Variants in CNTLN observed in about 807,000 individuals in gnomAD.
CNTLN encodes the protein centlein, also known as centlein, centrosomal protein.
A neutral mutation model predicts 180.0 loss-of-function variants in CNTLN; 212 were observed. The ratio of observed to expected loss-of-function variants is 1.18; its 90% CI spans 1.05 to 1.32. CNTLN has a LOEUF of 1.32. Ranked by LOEUF, CNTLN falls within the 40% of genes most tolerant of loss-of-function variation. The pLI, the probability that CNTLN is intolerant of heterozygous loss-of-function variation, is 0.00. For missense variants in CNTLN, 2,095 were observed against 1,610.9 expected, an observed-to-expected ratio of 1.30 and a Z score of -5.14; for synonymous variants, 722 against 563.1, an observed-to-expected ratio of 1.28 and a Z score of -3.99.
the CNTLN span, among the ~76,000 whole-genome samples, chr9:17,511,648 T>TCTCTCACA: frequency 0.27 from 39,633 of 146,416 alleles, 6,469 homozygotes; most frequent in East Asian, 0.5. Context: ...TCTCTCTCTC[T>TCTCTCACA]CACACACACA....
chr9:17,405,005 T>C (rs1332824810), intron 15 of CNTLN, among the ~76,000 whole-genome samples: 3 of 151,728 alleles, frequency 2.0e-5, no homozygotes, highest in Non-Finnish European at 4.4e-5. Context: ...CCCAAAGTGC[T>C]GGGATTACAG....
At chr9:17,368,296 G>T (rs1171118399) in intron 13 of CNTLN, among the ~76,000 whole-genome samples, 1 of 152,180 alleles carries the variant, frequency 6.6e-6, no homozygotes, top group Non-Finnish European at 1.5e-5. Context: ...GAAGGACTGT[G>T]TCTGGTGGTT....
chr9:17,458,013 A>G (rs1168352968), intron 19 of CNTLN, among the ~76,000 whole-genome samples: 1 of 151,920 alleles, frequency 6.6e-6, no homozygotes, highest in Non-Finnish European at 1.5e-5. Flanking sequence ...CCTCCAGCTG[A>G]ACAGAATCCT....
intron 25 of CNTLN, among the ~76,000 whole-genome samples, chr9:17,498,404 C>T (rs1188802866): frequency 6.6e-6 from 1 of 152,092 alleles, no homozygotes; most frequent in Non-Finnish European, 1.5e-5. Flanking sequence ...ATACCAGTTC[C>T]TAAAGGTAAA....
At chr9:17,361,330 C>T (rs900974756) in intron 12 of CNTLN, among the ~76,000 whole-genome samples, 1 of 152,064 alleles carries the variant, frequency 6.6e-6, no homozygotes, top group African/African-American at 2.4e-5. Flanking sequence ...TTACTAGAGG[C>T]TTGTTTATCT....
chr9:17,464,389 C>T (rs775153369), intron 20 of CNTLN, 108 bp from the exon 21 acceptor site: 19 of 859,568 alleles, frequency 2.2e-5, no homozygotes, highest in South Asian at 1.4e-4. Context: ...GTCAATATCA[C>T]GTAGCATTTA....
intron 12 of CNTLN, among the ~76,000 whole-genome samples, chr9:17,347,593 C>G (rs1412233272): frequency 6.7e-6 from 1 of 149,288 alleles, no homozygotes; most frequent in African/African-American, 2.5e-5. Context: ...CGCTTGAACC[C>G]AGGAGGTGGA....
intron 18 of CNTLN, among the ~76,000 whole-genome samples, chr9:17,426,520 G>T (rs1489974635): frequency 6.6e-6 from 1 of 151,550 alleles, no homozygotes; most frequent in Non-Finnish European, 1.5e-5. Flanking sequence ...TTGTCATGTT[G>T]TATTTATATC....
chr9:17,230,304 C>A (rs1179404380), intron 3 of CNTLN, among the ~76,000 whole-genome samples: 1 of 152,112 alleles, frequency 6.6e-6, no homozygotes, highest in Admixed American at 6.6e-5. Flanking sequence ...CCTACAGAGG[C>A]AATTTAATTT....
chr9:17,227,958 A>G (rs1200745643), intron 3 of CNTLN, among the ~76,000 whole-genome samples: 1 of 152,100 alleles, frequency 6.6e-6, no homozygotes, highest in Non-Finnish European at 1.5e-5. Flanking sequence ...GCTGCTTGAC[A>G]AGTACAACCT....
intron 18 of CNTLN, among the ~76,000 whole-genome samples, chr9:17,431,237 C>A (rs1829403717): frequency 6.6e-6 from 1 of 152,024 alleles, no homozygotes; most frequent in Admixed American, 6.6e-5. Flanking sequence ...TTTTTGATAA[C>A]AGCCATTTTG....
chr9:17,212,289 C>G (rs1386343336), intron 2 of CNTLN, among the ~76,000 whole-genome samples: 1 of 152,110 alleles, frequency 6.6e-6, no homozygotes, highest in Admixed American at 6.6e-5. Context: ...TGTCAAAGGC[C>G]TTTTCTGCAT....
At chr9:17,278,420 A>T (rs1409018842) in intron 6 of CNTLN, among the ~76,000 whole-genome samples, 1 of 152,144 alleles carries the variant, frequency 6.6e-6, no homozygotes, top group Non-Finnish European at 1.5e-5. Context: ...TGACATCTTT[A>T]TGATGTTCAG....
rs778617342 is a variant in CNTLN at position 17,330,782 on chromosome 9, A to C, written c.1492A>C (p.Met498Leu). The change falls in exon 9 of 26, where the codon ATG becomes CTG. Residue 498 changes from methionine (M) to leucine (L), a missense_variant. Physicochemically the swap from Met to Leu is conservative, Grantham distance 15. Coordinates refer to ENST00000380647, the MANE Select transcript of CNTLN (RefSeq NM_017738.4). ...ANKGFSRKSI[M>L]TSAEGKHKEP... is the part of the protein sequence containing the mutation. Reference sequence around the variant, plus strand: ...CAAGGGTTTCTCCCGAAAGAGCATCATGACAAGTGCTGAAGGAAAACATAA... The same window carrying C: ...CAAGGGTTTCTCCCGAAAGAGCATCCTGACAAGTGCTGAAGGAAAACATAA... 82 of 1,608,890 alleles carry C rather than the reference A, an allele frequency of 5.1e-5. 1 individual carries two copies. Among genetic ancestry groups the C allele is most frequent in the East Asian group, 2.2e-4 (10 of 44,534 alleles).
intron 2 of CNTLN, among the ~76,000 whole-genome samples, chr9:17,178,363 C>A (rs1218270258): frequency 4.6e-5 from 7 of 152,226 alleles, no homozygotes; most frequent in Non-Finnish European, 8.8e-5. Flanking sequence ...GTGGATCCCG[C>A]ACCCGGGCCG....
chr9:17,391,266 C>T (rs935382058), intron 14 of CNTLN, among the ~76,000 whole-genome samples: 1 of 152,160 alleles, frequency 6.6e-6, no homozygotes, highest in Non-Finnish European at 1.5e-5. Flanking sequence ...GACAGGACCC[C>T]TCTGGAATGA....
At chr9:17,441,806 C>G (rs1830126177) in intron 18 of CNTLN, among the ~76,000 whole-genome samples, 1 of 152,006 alleles carries the variant, frequency 6.6e-6, no homozygotes, top group Admixed American at 6.6e-5. Flanking sequence ...CTCTATGAGA[C>G]TCACTTTAGT....
chr9:17,396,713 A>T (rs1826554503), intron 15 of CNTLN, among the ~76,000 whole-genome samples: 1 of 152,180 alleles, frequency 6.6e-6, no homozygotes, highest in Admixed American at 6.5e-5. Flanking sequence ...CAGACAAATT[A>T]AATTATAACC....
At chr9:17,330,862 G>T in intron 9 of CNTLN, 54 bp downstream of exon 9, 1 of 1,492,632 alleles carries the variant, frequency 6.7e-7, no homozygotes, top group Non-Finnish European at 9.0e-7. Flanking sequence ...GGAAAGACAA[G>T]AGATGAAGTT....
Sources: allele counts gnomAD v4.1 joint callset (sites outside exome capture counted in the v4.1 genomes callset), GRCh38; gene constraint gnomAD v4.1.1; transcripts MANE v1.5; gene names NCBI Gene and HGNC (gene_info 2026-07-23, HGNC 2026-07-21).